PCDHGB1: variants seen among roughly 807,000 people sequenced by gnomAD.
PCDHGB1 encodes protocadherin gamma-B1.
PCDHGB1 carries 34 observed loss-of-function variants against 56.6 expected under a neutral mutation model. The observed-to-expected ratio is 0.60, with a 90% CI of 0.46 to 0.80. PCDHGB1 has a LOEUF of 0.80. Among genes scored for constraint, PCDHGB1 ranks in the 30% least tolerant of loss-of-function variants. The probability of loss-of-function intolerance (pLI) is 0.00; values close to 1 mark genes in which losing one functional copy is unlikely to be tolerated. For synonymous variants in PCDHGB1, 561 were observed against 505.9 expected (o/e 1.11, Z -1.46); for missense variants, 1,278 against 1,204.6 (o/e 1.06, Z -0.90).
At chr5:141,362,596 G>T (rs1762590213) in intron 1 of PCDHGB1, 2 of 1,584,024 alleles carry the variant, frequency 1.3e-6, no homozygotes, top group Non-Finnish European at 1.7e-6. Context: ...TGGTTTTATT[G>T]TTTCACCTAA....
At position 141,489,298 on chromosome 5, in the gene PCDHGB1, T is replaced by C; in HGVS notation, c.2410-5509T>C. On this transcript the variant is annotated intron_variant, in intron 1 of 3. Transcript: ENST00000523390. This position sits in a 1 kb window ranked among gnomAD's most constrained non-coding sequence, Gnocchi z 4.5. ...GAAATGGCAAGTGCTGTGCATGTTG[T>C]CCTTGTGCTGCTGGGGCTGGGTGTC... The C allele has an allele frequency of 6.3e-7, 1 of 1,584,418 alleles. No individual in the cohort carries two copies. The highest frequency in any genetic ancestry group is 8.6e-7 in the Non-Finnish European group (1 of 1,165,192).
Position 141,431,548 on chromosome 5 carries a change from A to G in PCDHGB1, c.2410-63259A>G, listed in dbSNP as rs1357844542. 2 of 1,614,136 alleles carry G rather than the reference A, an allele frequency of 1.2e-6. No individual in the cohort carries two copies. Among genetic ancestry groups the G allele is most frequent in the Admixed American group, 1.7e-5 (1 of 60,030 alleles). On this transcript the variant is annotated intron_variant, in intron 1 of 3. Coordinates refer to ENST00000523390, the MANE Select transcript of PCDHGB1 (RefSeq NM_018922.3). This position sits in a 1 kb window ranked among gnomAD's most constrained non-coding sequence, Gnocchi z 4.8. ...TGGCCTTGGGCACGCAGCTGCTTGT[A>G]GTCAACGCTACCGACCCTGACGAAG... is the stretch of plus-strand genomic sequence containing the variant.
intron 1 of PCDHGB1, chr5:141,361,840 C>T: frequency 6.2e-7 from 1 of 1,612,726 alleles, no homozygotes; most frequent in South Asian, 1.1e-5. Context: ...CGCGCTGGGG[C>T]CTGATGGCTC....
intron 1 of PCDHGB1, chr5:141,357,596 A>AAACAAAAGG: frequency 6.2e-7 from 1 of 1,614,148 alleles, no homozygotes; most frequent in Non-Finnish European, 8.5e-7. Context: ...GATTTACTTG[A>AAACAAAAGG]AACAAAAGGA....
At chr5:141,502,056 C>A (rs1163976282) in intron 2 of PCDHGB1, among the ~76,000 whole-genome samples, 1 of 152,116 alleles carries the variant, frequency 6.6e-6, no homozygotes, top group Non-Finnish European at 1.5e-5. Context: ...CTACTTTATT[C>A]CCATTAGCCC....
chr5:141,459,404 G>C (rs2098967432), intron 1 of PCDHGB1, among the ~76,000 whole-genome samples: 1 of 152,182 alleles, frequency 6.6e-6, no homozygotes, highest in Non-Finnish European at 1.5e-5. Flanking sequence ...GAGCAGTATT[G>C]CATTGTGTGG....
Position 141,476,064 on chromosome 5 carries a change from C to T in PCDHGB1, c.2410-18743C>T, listed in dbSNP as rs1593605493. On this transcript the variant is annotated intron_variant, in intron 1 of 3. Transcript: ENST00000523390. The surrounding 1 kb of genome is among the most constrained non-coding windows in gnomAD (Gnocchi z 7.6). Reference sequence around the variant, plus strand: ...CGCTAACCCGCTGAAAGTTTCTCAGCGAAATCTCAGGGACGATCTGGACCC... The same window carrying T: ...CGCTAACCCGCTGAAAGTTTCTCAGTGAAATCTCAGGGACGATCTGGACCC... 2.0e-6 allele frequency: 3 copies of T among 1,510,080 alleles called. No homozygotes were observed. In the East Asian group the frequency reaches 6.8e-5, roughly 34 times the overall value. 93.5% of individuals were successfully genotyped at this position (1,510,080 alleles called of 1,614,324 possible). A position where few individuals can be genotyped will look rare whatever the true frequency, so the allele number is the denominator to read the frequency against.
intron 1 of PCDHGB1, chr5:141,399,756 C>G: frequency 6.2e-7 from 1 of 1,613,346 alleles, no homozygotes; most frequent in Non-Finnish European, 8.5e-7. Flanking sequence ...CAAACGTGAG[C>G]CTGCGCGTGT....
At chr5:141,371,448 G>A in intron 1 of PCDHGB1, 1 of 1,613,994 alleles carries the variant, frequency 6.2e-7, no homozygotes, top group Non-Finnish European at 8.5e-7. Flanking sequence ...CCTGGCTTCT[G>A]AATCCCAACA....
intron 1 of PCDHGB1, among the ~76,000 whole-genome samples, chr5:141,481,063 C>T (rs2154578481): frequency 6.6e-6 from 1 of 151,952 alleles, no homozygotes; most frequent in Middle Eastern, 3.4e-3. Context: ...ACCTCAAAAA[C>T]AAAAAGAAAG....
chr5:141,394,208 C>T (rs972602841), intron 1 of PCDHGB1: 2 of 1,613,814 alleles, frequency 1.2e-6, no homozygotes, highest in African/African-American at 1.3e-5. Context: ...TAGAGAACAA[C>T]CTGAGAGGAG....
In PCDHGB1 at chr5:141,487,822, G is replaced by T. The variant is rs1406642768; in HGVS notation, c.2410-6985G>T. ...TGTCACAGTTTAGCATTGGGGGCGG[G>T]TCATGCCTATATCTGAGTAAGAAAT... On this transcript the variant is annotated intron_variant, in intron 1 of 3. Coordinates refer to ENST00000523390, the MANE Select transcript of PCDHGB1 (RefSeq NM_018922.3). This position sits in a 1 kb window ranked among gnomAD's most constrained non-coding sequence, Gnocchi z 5.0. The T allele has an allele frequency of 3.1e-6, 4 of 1,278,640 alleles. No homozygotes were observed. The East Asian group carries it at 7.6e-5, about 24-fold the overall frequency. 79.2% of individuals were successfully genotyped at this position (1,278,640 alleles called of 1,614,324 possible). A position where few individuals can be genotyped will look rare whatever the true frequency, so the allele number is the denominator to read the frequency against.
chr5:141,361,135 C>T (rs535070372), intron 1 of PCDHGB1: 3 of 1,613,388 alleles, frequency 1.9e-6, no homozygotes, highest in Non-Finnish European at 2.5e-6. Context: ...CTGCAGTATC[C>T]AAGTTGAAAT....
chr5:141,468,599 G>C (rs1055715232), intron 1 of PCDHGB1: 7 of 152,236 alleles, frequency 4.6e-5, no homozygotes, highest in African/African-American at 1.4e-4. Flanking sequence ...GGGCGCGGTG[G>C]CTCACGCCTG....
rs202183643 is a variant in PCDHGB1 at position 141,490,646 on chromosome 5, C to T, written c.2410-4161C>T. 9 of 1,614,186 alleles carry T rather than the reference C, an allele frequency of 5.6e-6. No homozygotes were observed. Among genetic ancestry groups the T allele is most frequent in the African/African-American group, 2.7e-5 (2 of 75,054 alleles). ...GCTTACATCCTAGAAAACCGGCCTC[C>T]GGGCTCCCTTCTTTGCACTGTGGCT... On this transcript the variant is annotated intron_variant, in intron 1 of 3. Transcript: ENST00000523390. The surrounding 1 kb of genome is among the most constrained non-coding windows in gnomAD (Gnocchi z 5.4).
At chr5:141,385,292 AG>A (rs1458906535) in intron 1 of PCDHGB1, 1 of 1,613,082 alleles carries the variant, frequency 6.2e-7, no homozygotes, top group African/African-American at 1.3e-5. Flanking sequence ...GTAGATTTTC[AG>A]GAATGTAAAG....
rs1265422100 is a variant in PCDHGB1 at position 141,490,199 on chromosome 5, C to A, written c.2410-4608C>A. On this transcript the variant is annotated intron_variant, in intron 1 of 3. Transcript: ENST00000523390. This position sits in a 1 kb window ranked among gnomAD's most constrained non-coding sequence, Gnocchi z 5.4. The stretch of plus-strand genomic sequence containing the variant: ...GAGTCACGTTTCTATGAAATTCATG[C>A]AAGAGCCCGTGACCAGGGACAGCCT... The A allele has an allele frequency of 1.9e-6, 3 of 1,614,184 alleles. No homozygotes were observed. The highest frequency in any genetic ancestry group is 2.5e-6 in the Non-Finnish European group (3 of 1,180,024).
chr5:141,468,950 T>TG (rs752125489), intron 1 of PCDHGB1, among the ~76,000 whole-genome samples: 34 of 140,680 alleles, frequency 2.4e-4, no homozygotes, highest in African/African-American at 4.9e-4. Context: ...GGTAAACCTG[T>TG]GGTTTTTTTT....
chr5:141,384,623 T>C (rs906239388), intron 1 of PCDHGB1: 7 of 1,614,092 alleles, frequency 4.3e-6, no homozygotes, highest in African/African-American at 1.3e-5. Flanking sequence ...TCTACTGGCA[T>C]GGAGCTGGCA....
Sources: allele counts gnomAD v4.1 joint callset (sites outside exome capture counted in the v4.1 genomes callset), GRCh38; gene constraint gnomAD v4.1.1; non-coding constraint Gnocchi (gnomAD v3.1); transcripts MANE v1.5; gene names NCBI Gene and HGNC (gene_info 2026-07-23, HGNC 2026-07-21).